Variants in TMEM178B observed in about 807,000 individuals in gnomAD.
The protein encoded by TMEM178B is transmembrane protein 178B.
TMEM178B carries 5 observed loss-of-function variants against 31.0 expected under a neutral mutation model. The observed-to-expected ratio is 0.16, with a 90% CI of 0.08 to 0.34. The LOEUF (loss-of-function observed/expected upper bound fraction) is 0.34, where lower values mean the gene tolerates loss of function less well. TMEM178B is among the 10% of genes least tolerant of loss of function. TMEM178B has a pLI of 1.00. For missense variants in TMEM178B, 275 were observed against 400.3 expected, an observed-to-expected ratio of 0.69 and a Z score of 2.67; for synonymous variants, 164 against 164.0, an observed-to-expected ratio of 1.00 and a Z score of 0.00.
At chr7:141,099,625 A>G (rs992047211) in intron 1 of TMEM178B, among the ~76,000 whole-genome samples, 1 of 152,186 alleles carries the variant, frequency 6.6e-6, no homozygotes, top group Non-Finnish European at 1.5e-5. Flanking sequence ...CTTGGTTTGC[A>G]CTATTATAGA....
At chr7:141,251,865 A>G (rs2116340396) in intron 2 of TMEM178B, among the ~76,000 whole-genome samples, 1 of 152,284 alleles carries the variant, frequency 6.6e-6, no homozygotes, top group East Asian at 1.9e-4. Flanking sequence ...AGCACCTGAC[A>G]ACTCACCTTT....
At chr7:141,409,093 C>A (rs552665684) in intron 2 of TMEM178B, among the ~76,000 whole-genome samples, 2 of 152,262 alleles carry the variant, frequency 1.3e-5, no homozygotes, top group East Asian at 1.9e-4. Context: ...TGGGGAGCCA[C>A]TGAAGGAGTT....
chr7:141,287,549 C>A (rs1158357698), intron 2 of TMEM178B, among the ~76,000 whole-genome samples: 3 of 152,214 alleles, frequency 2.0e-5, no homozygotes, highest in Non-Finnish European at 4.4e-5. Flanking sequence ...TAATCAACAT[C>A]TCTTCCATAT....
intron 2 of TMEM178B, among the ~76,000 whole-genome samples, chr7:141,234,114 G>A (rs932011005): frequency 3.9e-5 from 6 of 152,140 alleles, no homozygotes; most frequent in African/African-American, 7.2e-5. Flanking sequence ...CCTCTTGCTA[G>A]TCTACAGTTA....
chr7:141,093,214 C>G (rs924377415), intron 1 of TMEM178B, among the ~76,000 whole-genome samples: 4 of 152,038 alleles, frequency 2.6e-5, no homozygotes, highest in African/African-American at 9.7e-5. Context: ...TGACTAGAAC[C>G]AGAGTACAGG....
At chr7:141,409,636 G>T (rs892653595) in intron 2 of TMEM178B, among the ~76,000 whole-genome samples, 1 of 151,974 alleles carries the variant, frequency 6.6e-6, no homozygotes, top group Non-Finnish European at 1.5e-5. Flanking sequence ...TTCATCTCTG[G>T]TCTCTGTAAT....
chr7:141,232,001 AC>A (rs1450702198), intron 2 of TMEM178B, among the ~76,000 whole-genome samples: 3 of 151,554 alleles, frequency 2.0e-5, no homozygotes, highest in African/African-American at 4.9e-5. Flanking sequence ...GATGTTCCCC[AC>A]CCATGTTTCC....
At chr7:141,228,551 T>C (rs1586837521) in intron 2 of TMEM178B, among the ~76,000 whole-genome samples, 1 of 152,282 alleles carries the variant, frequency 6.6e-6, no homozygotes, top group East Asian at 1.9e-4. Flanking sequence ...TTCTTGAGGT[T>C]GAGCTTATTA....
rs1802057367 is a variant in TMEM178B, at chr7:141,461,431, C to T, written c.635-9105C>T. On this transcript the variant is annotated intron_variant, in intron 3 of 3. Coordinates refer to ENST00000565468, the MANE Select transcript of TMEM178B (RefSeq NM_001195278.2). This position sits in a 1 kb window ranked among gnomAD's most constrained non-coding sequence, Gnocchi z 4.0. ...TCTAGAAACCTGTAGAAATTGTGCA[C>T]CAGTGAAGTTGTGGGCATAACTTGG... Among the ~76,000 whole-genome samples, 1 of 152,172 alleles carries T rather than the reference C, an allele frequency of 6.6e-6. No individual in the cohort carries two copies. The highest frequency in any genetic ancestry group is 2.4e-5 in the African/African-American group (1 of 41,440).
intron 2 of TMEM178B, among the ~76,000 whole-genome samples, chr7:141,291,629 C>G (rs1446186079): frequency 6.6e-6 from 1 of 152,138 alleles, no homozygotes; most frequent in Non-Finnish European, 1.5e-5. Flanking sequence ...GAACACCTTA[C>G]TCCTTCCCCA....
At chr7:141,325,375 C>G (rs1799171627) in intron 2 of TMEM178B, among the ~76,000 whole-genome samples, 1 of 152,134 alleles carries the variant, frequency 6.6e-6, no homozygotes, top group South Asian at 2.1e-4. Context: ...TGTGTTAACT[C>G]TTTATTGTTG....
At chr7:141,386,091 C>A (rs562773109) in intron 2 of TMEM178B, among the ~76,000 whole-genome samples, 2 of 152,282 alleles carry the variant, frequency 1.3e-5, no homozygotes, top group African/African-American at 2.4e-5. Context: ...AAATCTTGGG[C>A]CTTATGAGCA....
chr7:141,272,180 G>T (rs1317698014), intron 2 of TMEM178B, among the ~76,000 whole-genome samples: 1 of 152,156 alleles, frequency 6.6e-6, no homozygotes. Flanking sequence ...CACATTTTCT[G>T]AGGGCAATTC....
At chr7:141,437,847 G>A (rs954566748) in intron 3 of TMEM178B, 102 bp downstream of exon 3, 1 of 1,454,706 alleles carries the variant, frequency 6.9e-7, no homozygotes, top group African/African-American at 1.4e-5. Context: ...ACCATGACGT[G>A]ACTGGGGTTC....
chr7:141,096,141 A>G (rs1212227630), intron 1 of TMEM178B, among the ~76,000 whole-genome samples: 2 of 152,198 alleles, frequency 1.3e-5, no homozygotes, highest in Non-Finnish European at 2.9e-5. Context: ...TAAATATTTA[A>G]TAGAGTAGTA....
intron 2 of TMEM178B, among the ~76,000 whole-genome samples, chr7:141,253,544 CTTTTTTT>C (rs34199017): frequency 1.4e-5 from 1 of 70,032 alleles, no homozygotes; most frequent in Non-Finnish European, 2.5e-5. Context: ...ATTTTCCCTT[CTTTTTTT>C]TTTTTTTTTT....
intron 1 of TMEM178B, among the ~76,000 whole-genome samples, chr7:141,115,725 A>G (rs1192851682): frequency 1.3e-5 from 2 of 152,182 alleles, no homozygotes; most frequent in Non-Finnish European, 1.5e-5. Context: ...GGGGAGGGCA[A>G]AGAGTGACCT....
chr7:141,438,696 TAAAAAAAAAA>T (rs869132131), intron 3 of TMEM178B, among the ~76,000 whole-genome samples: 552 of 29,008 alleles, frequency 0.019, 24 homozygotes, highest in African/African-American at 0.047. Context: ...CCGTCTCTAC[TAAAAAAAAAA>T]AAAAAAAAAA....
At chr7:141,273,237 G>A (rs1322102141) in intron 2 of TMEM178B, among the ~76,000 whole-genome samples, 1 of 152,220 alleles carries the variant, frequency 6.6e-6, no homozygotes, top group Non-Finnish European at 1.5e-5. Context: ...GGAGAATGGG[G>A]AGATGTTGAT....
Sources: allele counts gnomAD v4.1 joint callset (sites outside exome capture counted in the v4.1 genomes callset), GRCh38; gene constraint gnomAD v4.1.1; non-coding constraint Gnocchi (gnomAD v3.1); transcripts MANE v1.5; gene names NCBI Gene and HGNC (gene_info 2026-07-23, HGNC 2026-07-21).